PDE1C: variants seen among roughly 807,000 people sequenced by gnomAD.
PDE1C encodes dual specificity calcium/calmodulin-dependent 3',5'-cyclic nucleotide phosphodiesterase 1C.
In PDE1C, 62 loss-of-function variants were observed where a neutral mutation model predicts 93.1. The ratio of observed to expected loss-of-function variants is 0.67; its 90% CI spans 0.54 to 0.82. PDE1C has a LOEUF of 0.82. Among genes scored for constraint, PDE1C ranks in the 40% least tolerant of loss-of-function variants. The pLI is 0.00. For synonymous variants in PDE1C, 325 were observed against 310.1 expected (o/e 1.05, Z -0.50); for missense variants, 742 against 884.6 (o/e 0.84, Z 2.04).
chr7:32,205,927 C>T (rs551155459), intron 2 of PDE1C, among the ~76,000 whole-genome samples: 4 of 152,294 alleles, frequency 2.6e-5, no homozygotes, highest in African/African-American at 7.2e-5. Flanking sequence ...ACTATGGACA[C>T]ACCATCTGTA....
chr7:31,731,257 C>T, the PDE1C span, among the ~76,000 whole-genome samples: 1 of 152,030 alleles, frequency 6.6e-6, no homozygotes, highest in Admixed American at 6.5e-5. Context: ...CCGCAGGACC[C>T]GTGTAGGTGC....
chr7:31,928,657 C>T (rs562208938), intron 2 of PDE1C, among the ~76,000 whole-genome samples: 1 of 152,212 alleles, frequency 6.6e-6, no homozygotes, highest in Admixed American at 6.5e-5. Context: ...GAATTTTCAA[C>T]CCAGAATTTT....
At position 31,918,354 on chromosome 7, in the gene PDE1C, T is replaced by C. The variant is rs185376294; in HGVS notation, c.129-37494A>G. On this transcript the variant is annotated intron_variant, in intron 2 of 17. Transcript: ENST00000396191. The stretch of plus-strand genomic sequence containing the variant: ...CAACAAACTGCTAACTGAGGCAAAA[T>C]AGTATTCATTTGTGTGTAGGTATAT... 4.9e-4 allele frequency among the ~76,000 whole-genome samples: 75 copies of C among 152,234 alleles called. No homozygotes were observed. In the South Asian group the frequency reaches 0.01, roughly 21 times the overall value.
chr7:31,869,963 T>C (rs2128855615), intron 6 of PDE1C, among the ~76,000 whole-genome samples: 1 of 152,090 alleles, frequency 6.6e-6, no homozygotes, highest in South Asian at 2.1e-4. Context: ...AAGAGGAAAT[T>C]TGGAAACTGA....
At position 32,142,464 on chromosome 7, in the gene PDE1C, G is replaced by C. The variant is rs73689043; in HGVS notation, c.308+27321C>G. Among the ~76,000 whole-genome samples, 777 of 152,226 alleles carry C rather than the reference G, an allele frequency of 5.1e-3. 6 individuals are homozygous for C. The highest frequency in any genetic ancestry group is 0.018 in the African/African-American group (732 of 41,556). The stretch of plus-strand genomic sequence containing the variant: ...GGACAAACTTCTCCAGAAGGGACGT[G>C]AAAGTGACTGGCCAGACACTCACCA... On this transcript the variant is annotated intron_variant, in intron 3 of 18. Transcript: ENST00000396193.
chr7:32,294,005 G>A (rs1322617898), intron 1 of PDE1C, among the ~76,000 whole-genome samples: 3 of 152,032 alleles, frequency 2.0e-5, no homozygotes, highest in Admixed American at 2.0e-4. Context: ...TCTCTGCCAG[G>A]GCTGGAGAGT....
intron 17 of PDE1C, among the ~76,000 whole-genome samples, chr7:31,754,450 C>T (rs886529744): frequency 1.3e-5 from 2 of 152,192 alleles, no homozygotes; most frequent in Non-Finnish European, 2.9e-5. Context: ...TTTGTAGAAT[C>T]TTTATTCATA....
At chr7:31,760,353 T>A (rs1206868440) in intron 17 of PDE1C, among the ~76,000 whole-genome samples, 1 of 152,200 alleles carries the variant, frequency 6.6e-6, no homozygotes, top group African/African-American at 2.4e-5. Flanking sequence ...ATTAACCCAG[T>A]ATACCCTGTT....
chr7:32,038,108 AT>A (rs1563231889), intron 2 of PDE1C, among the ~76,000 whole-genome samples: 1 of 152,210 alleles, frequency 6.6e-6, no homozygotes, highest in Non-Finnish European at 1.5e-5. Context: ...TAGAAGATAA[AT>A]ACAGGGATCA....
chr7:32,212,503 A>T (rs1240225675), intron 1 of PDE1C, among the ~76,000 whole-genome samples: 2 of 152,214 alleles, frequency 1.3e-5, no homozygotes, highest in Non-Finnish European at 2.9e-5. Flanking sequence ...GTCTCCCGTG[A>T]TGCTGTAGCC....
At position 31,752,489 on chromosome 7, in the gene PDE1C, C is replaced by A. The variant is rs911227930; in HGVS notation, c.*895G>T. 1.3e-5 allele frequency: 2 copies of A among 151,904 alleles called. No individual in the cohort carries two copies. Among genetic ancestry groups the A allele is most frequent in the Non-Finnish European group, 2.9e-5 (2 of 67,912 alleles). The allele number at this position is 151,904 out of a possible 1,614,324, so 9.4% of individuals were successfully genotyped here. On this transcript the variant is annotated 3_prime_UTR_variant, in exon 18 of 18. Transcript: ENST00000396191. ...TAAATTCTTTATTTTCAGTCCAGAA[C>A]AATCTGAAAATAAAGAATTTAAACT...
intron 3 of PDE1C, among the ~76,000 whole-genome samples, chr7:32,163,934 G>A (rs1175931246): frequency 1.3e-5 from 2 of 152,100 alleles, no homozygotes; most frequent in Non-Finnish European, 1.5e-5. Context: ...CACCTTCTTT[G>A]GCCCACTTAA....
intron 3 of PDE1C, among the ~76,000 whole-genome samples, chr7:32,085,446 C>G (rs1397894971): frequency 6.7e-6 from 1 of 148,920 alleles, no homozygotes; most frequent in Non-Finnish European, 1.5e-5. Flanking sequence ...TGGTACCATT[C>G]CTTCTGAAAC....
intron 14 of PDE1C, among the ~76,000 whole-genome samples, chr7:31,817,576 G>T (rs1195391874): frequency 6.6e-6 from 1 of 152,040 alleles, no homozygotes; most frequent in Non-Finnish European, 1.5e-5. Context: ...CACTGCCAAG[G>T]TCTTCTAGCC....
intron 1 of PDE1C, among the ~76,000 whole-genome samples, chr7:32,254,094 G>A (rs1809600004): frequency 6.6e-6 from 1 of 152,146 alleles, no homozygotes; most frequent in South Asian, 2.1e-4. Flanking sequence ...GAAATGAGGC[G>A]ATACGGGGCG....
At chr7:31,839,090 C>T (rs1791488721) in intron 9 of PDE1C, among the ~76,000 whole-genome samples, 1 of 147,410 alleles carries the variant, frequency 6.8e-6, no homozygotes, top group Non-Finnish European at 1.5e-5. Flanking sequence ...TGTAGACATA[C>T]ATAGATACAC....
chr7:31,678,574 T>C, the PDE1C span, among the ~76,000 whole-genome samples: 2 of 152,190 alleles, frequency 1.3e-5, no homozygotes, highest in African/African-American at 4.8e-5. Flanking sequence ...GAGAATTTAT[T>C]AGGTGCCTAC....
chr7:32,106,402 ATC>A (rs1798314090), intron 3 of PDE1C, among the ~76,000 whole-genome samples: 1 of 152,116 alleles, frequency 6.6e-6, no homozygotes. Flanking sequence ...AACGCCAGAC[ATC>A]TGACAAAAAA....
chr7:32,009,146 A>G (rs2128581284), intron 2 of PDE1C, among the ~76,000 whole-genome samples: 1 of 152,356 alleles, frequency 6.6e-6, no homozygotes, highest in South Asian at 2.1e-4. Flanking sequence ...TCAGGCCACA[A>G]GGAACAGGCA....
Sources: gnomAD v4.1 joint callset for allele counts (sites outside exome capture counted in the v4.1 genomes callset) on GRCh38, gnomAD v4.1.1 for gene constraint, MANE v1.5 for transcripts, NCBI Gene and HGNC (gene_info 2026-07-23, HGNC 2026-07-21) for gene names.